Variants in COL3A1 observed in about 807,000 individuals in gnomAD.
COL3A1 encodes collagen type III alpha 1 chain.
A neutral mutation model predicts 200.9 loss-of-function variants in COL3A1; 46 were observed. The observed-to-expected ratio is 0.23, with a 90% CI of 0.18 to 0.29. The LOEUF is 0.29. Among genes scored for constraint, COL3A1 ranks in the 10% least tolerant of loss-of-function variants. The pLI, the probability that COL3A1 is intolerant of heterozygous loss-of-function variation, is 1.00. For missense variants in COL3A1, 1,367 were observed against 1,917.6 expected, an observed-to-expected ratio of 0.71 and a Z score of 5.36; for synonymous variants, 650 against 628.0, an observed-to-expected ratio of 1.03 and a Z score of -0.52.
At position 189,002,999 on chromosome 2, in the gene COL3A1, G is replaced by A. The variant is rs777361888; in HGVS notation, c.2490G>A (p.Pro830=). ...EPGGKGERGA[P]GEKGEGGPPG... The stretch of plus-strand genomic sequence containing the variant: ...GTGGTAAAGGAGAAAGAGGGGCTCC[G>A]GGTGAGAAAGGTGAAGGAGGCCCTC... The change falls in exon 36 of 51, where the codon CCG becomes CCA. Residue 830 remains proline (P), a synonymous_variant. Transcript: ENST00000304636. The A allele has an allele frequency of 5.3e-5, 83 of 1,551,640 alleles. No individual in the cohort carries two copies. Among genetic ancestry groups the A allele is most frequent in the Non-Finnish European group, 6.5e-5 (75 of 1,147,058 alleles).
intron 1 of COL3A1, among the ~76,000 whole-genome samples, chr2:188,980,026 G>A (rs1256731553): frequency 1.3e-5 from 2 of 151,592 alleles, no homozygotes; most frequent in South Asian, 2.1e-4. Context: ...AAGATAGGAG[G>A]TACTATAGCA....
Position 189,011,609 on chromosome 2 carries a change from A to C in COL3A1, c.4255-19A>C. On this transcript the variant is annotated intron_variant, in intron 50 of 50. Transcript: ENST00000304636. ...TAATTGTAATGTCATGATCATGTACATTTTGTCCTTTTTTACAGAAACACA... is the reference window on the plus strand; with the variant it reads ...TAATTGTAATGTCATGATCATGTACCTTTTGTCCTTTTTTACAGAAACACA... 1 of 1,613,890 alleles carries C rather than the reference A, an allele frequency of 6.2e-7. No homozygotes were observed. The highest frequency in any genetic ancestry group is 8.5e-7 in the Non-Finnish European group (1 of 1,179,788).
rs1048077808 is a variant in COL3A1 at position 188,997,599 on chromosome 2, A to G, written c.1870-101A>G. 1.9e-4 allele frequency: 245 copies of G among 1,295,430 alleles called. 1 individual carries two copies. The highest frequency in any genetic ancestry group is 9.9e-5 in the Non-Finnish European group (90 of 905,404). 80.2% of individuals were successfully genotyped at this position (1,295,430 alleles called of 1,614,324 possible). ...GGTCCAGGTCCTCCCTTTTCTTCAC[A>G]TCACTACTTTTATAATTAAGCAACA... On this transcript the variant is annotated intron_variant, in intron 26 of 50. Coordinates refer to ENST00000304636, the MANE Select transcript of COL3A1 (RefSeq NM_000090.4).
chr2:188,975,832 T>G (rs1314168129), intron 1 of COL3A1, among the ~76,000 whole-genome samples: 1 of 151,880 alleles, frequency 6.6e-6, no homozygotes, highest in Admixed American at 6.6e-5. Context: ...CTCCTCCTTA[T>G]CTCTCTCCAC....
chr2:189,006,144 T>C, intron 41 of COL3A1, 62 bp from the exon 42 acceptor site: 2 of 1,541,846 alleles, frequency 1.3e-6, no homozygotes, highest in Admixed American at 1.7e-5. Flanking sequence ...TGAGAATGCA[T>C]GGATGAAATG....
At chr2:189,008,661 G>C (rs1393802941) in intron 47 of COL3A1, 2 of 546,906 alleles carry the variant, frequency 3.7e-6, no homozygotes, top group Admixed American at 6.5e-5. Context: ...CAGTCATCCA[G>C]AAGGAAGAAT....
rs756866230 is a variant in COL3A1 at position 188,991,575 on chromosome 2, C to G, written c.897+44C>G. The G allele has an allele frequency of 3.7e-6, 6 of 1,600,816 alleles. No individual in the cohort carries two copies. In the Admixed American group the frequency reaches 1.0e-4, roughly 27 times the overall value. ...TATAATTTTCAGTTTTATTATTAAC[C>G]TCATTGTTACCTAAAACTGGCTTTG... On this transcript the variant is annotated intron_variant, in intron 12 of 50. Coordinates refer to ENST00000304636, the MANE Select transcript of COL3A1 (RefSeq NM_000090.4).
rs1318800938 is a variant in COL3A1 at position 188,988,145 on chromosome 2, C to T, written c.582+11C>T. 3.7e-6 allele frequency: 6 copies of T among 1,608,862 alleles called. No homozygotes were observed. In the South Asian group the frequency reaches 4.4e-5, roughly 12 times the overall value. ...CATCCTGGTTCCCCTGTAAGTATAGCCATTGGTGGTGTTTTCTTCCTCATT... is the reference window on the plus strand; with the variant it reads ...CATCCTGGTTCCCCTGTAAGTATAGTCATTGGTGGTGTTTTCTTCCTCATT... On this transcript the variant is annotated intron_variant, in intron 6 of 50. Transcript: ENST00000304636.
intron 7 of COL3A1, 131 bp downstream of exon 7, chr2:188,988,774 A>G (rs1018740005): frequency 1.5e-5 from 10 of 663,056 alleles, no homozygotes; most frequent in African/African-American, 5.5e-5. Context: ...AATAACGAAT[A>G]GCATTTTATT....
At chr2:188,993,052 C>A (rs568048319) in intron 15 of COL3A1, 112 bp downstream of exon 15, 2 of 953,190 alleles carry the variant, frequency 2.1e-6, no homozygotes, top group East Asian at 4.8e-5. Context: ...TAGCTTTTAT[C>A]TATACATGTC....
At chr2:188,998,801 A>G in intron 29 of COL3A1, 83 bp downstream of exon 29, 2 of 1,238,922 alleles carry the variant, frequency 1.6e-6, no homozygotes. Flanking sequence ...TATCAAGCCA[A>G]AATACTCTTT....
chr2:188,975,729 A>G (rs1282333476), intron 1 of COL3A1, among the ~76,000 whole-genome samples: 1 of 152,086 alleles, frequency 6.6e-6, no homozygotes, highest in African/African-American at 2.4e-5. Context: ...CTTCAGTTAT[A>G]TTCAGCCCAT....
In COL3A1 at chr2:188,998,663, C is replaced by T. The variant is rs13306272; in HGVS notation, c.1978-11C>T. The stretch of plus-strand genomic sequence containing the variant: ...TGATATGGGCCTAATCATATAATGC[C>T]AATCTCCCAGGGTCCAAAGGGTGAT... On this transcript the variant is annotated splice_polypyrimidine_tract_variant and intron_variant, in intron 28 of 50. Coordinates refer to ENST00000304636, the MANE Select transcript of COL3A1 (RefSeq NM_000090.4). The T allele has an allele frequency of 0.25, 408,623 of 1,608,644 alleles. 53,065 individuals carry two copies. The highest frequency in any genetic ancestry group is 0.35 in the Middle Eastern group (2,096 of 6,030).
At chr2:188,979,651 G>T (rs1170042655) in intron 1 of COL3A1, among the ~76,000 whole-genome samples, 2 of 151,680 alleles carry the variant, frequency 1.3e-5, no homozygotes, top group African/African-American at 4.8e-5. Flanking sequence ...AGGCCAGATA[G>T]AAAAATATTT....
chr2:189,004,417 G>T (rs1344365136), intron 40 of COL3A1, 53 bp downstream of exon 40: 1 of 1,487,878 alleles, frequency 6.7e-7, no homozygotes, highest in Non-Finnish European at 9.2e-7. Context: ...AGCCTTCAGA[G>T]ATCACTTAAC....
At chr2:189,006,143 A>T (rs1179259171) in intron 41 of COL3A1, 63 bp from the exon 42 acceptor site, 1 of 1,537,206 alleles carries the variant, frequency 6.5e-7, no homozygotes, top group Non-Finnish European at 9.0e-7. Flanking sequence ...CTGAGAATGC[A>T]TGGATGAAAT....
chr2:188,987,266 A>G, intron 5 of COL3A1, 127 bp downstream of exon 5: 1 of 763,180 alleles, frequency 1.3e-6, no homozygotes, highest in Non-Finnish European at 2.3e-6. Flanking sequence ...ACCCCTACTA[A>G]GGTTGGAAAA....
chr2:188,982,274 A>C (rs1559051716), intron 1 of COL3A1, among the ~76,000 whole-genome samples: 1 of 151,774 alleles, frequency 6.6e-6, no homozygotes, highest in Non-Finnish European at 1.5e-5. Context: ...AACAACGTTA[A>C]TACTTATAAC....
chr2:189,000,527 T>C (rs1044035811), intron 32 of COL3A1, among the ~76,000 whole-genome samples: 4 of 152,148 alleles, frequency 2.6e-5, no homozygotes, highest in African/African-American at 9.7e-5. Flanking sequence ...CTTATGGTGA[T>C]TGCACATTTG....
Sources: allele counts gnomAD v4.1 joint callset (sites outside exome capture counted in the v4.1 genomes callset), GRCh38; gene constraint gnomAD v4.1.1; transcripts MANE v1.5; gene names NCBI Gene and HGNC (gene_info 2026-07-23, HGNC 2026-07-21).